The following CPNE3 variants were observed in gnomAD, a reference collection of about 807,000 sequenced individuals.
CPNE3 encodes the protein copine 3, also known as copine-3.
CPNE3 carries 68 observed loss-of-function variants against 63.9 expected under a neutral mutation model. The observed-to-expected ratio is 1.06, with a 90% CI of 0.87 to 1.30. The LOEUF is 1.30. Among genes scored for constraint, CPNE3 ranks in the 50% most tolerant of loss-of-function variants. CPNE3 has a pLI of 0.00. For missense variants in CPNE3, 665 were observed against 578.1 expected (o/e 1.15, Z -1.54); for synonymous variants, 219 against 197.5 (o/e 1.11, Z -0.91).
intron 6 of CPNE3, among the ~76,000 whole-genome samples, chr8:86,536,077 G>T (rs1820797765): frequency 6.6e-6 from 1 of 151,912 alleles, no homozygotes; most frequent in Non-Finnish European, 1.5e-5. Context: ...AGGTACTTAA[G>T]AAATTTAACA....
intron 6 of CPNE3, among the ~76,000 whole-genome samples, chr8:86,535,330 T>G (rs1258829772): frequency 1.3e-5 from 2 of 151,970 alleles, no homozygotes; most frequent in African/African-American, 4.8e-5. Flanking sequence ...CTTTTTTTTT[T>G]TTTTAAGAAA....
chr8:86,538,348 C>G (rs575176799), intron 7 of CPNE3, among the ~76,000 whole-genome samples: 162 of 152,086 alleles, frequency 1.1e-3, no homozygotes, highest in African/African-American at 3.7e-3. Flanking sequence ...GCACTCCATC[C>G]CAGGCTACTG....
At chr8:86,539,479 A>G (rs1400655468) in intron 7 of CPNE3, among the ~76,000 whole-genome samples, 1 of 152,078 alleles carries the variant, frequency 6.6e-6, no homozygotes. Flanking sequence ...ATTTGTGTTT[A>G]TCTGTTTATT....
intron 2 of CPNE3, among the ~76,000 whole-genome samples, chr8:86,516,513 T>C (rs144347137): frequency 1.1e-3 from 162 of 152,322 alleles, no homozygotes; most frequent in African/African-American, 3.7e-3. Flanking sequence ...CGGTACCTAG[T>C]TCATATTGTA....
intron 9 of CPNE3, chr8:86,545,075 G>A (rs746465310): frequency 1.5e-5 from 4 of 270,030 alleles, no homozygotes; most frequent in African/African-American, 2.2e-5. Context: ...ACTACATGGA[G>A]GACAGCAAAG....
At chr8:86,531,360 C>A in intron 5 of CPNE3, 131 bp downstream of exon 5, 1 of 662,634 alleles carries the variant, frequency 1.5e-6, no homozygotes. Context: ...TTCCATCCAC[C>A]CATGTCTTGT....
chr8:86,541,867 A>T (rs1820949668), intron 8 of CPNE3, among the ~76,000 whole-genome samples: 1 of 152,172 alleles, frequency 6.6e-6, no homozygotes, highest in Admixed American at 6.5e-5. Context: ...AGCTATAAAA[A>T]TTATTTTTTA....
At chr8:86,530,002 A>G (rs1434851946) in intron 4 of CPNE3, among the ~76,000 whole-genome samples, 17 of 152,094 alleles carry the variant, frequency 1.1e-4, no homozygotes, top group Admixed American at 1.1e-3. Context: ...TTTTGGGGAA[A>G]AAAATCCCAG....
At chr8:86,542,721 C>T (rs894452686) in intron 8 of CPNE3, among the ~76,000 whole-genome samples, 8 of 151,902 alleles carry the variant, frequency 5.3e-5, no homozygotes, top group East Asian at 1.9e-4. Flanking sequence ...TTAAATGACA[C>T]GAATTGTCTT....
intron 2 of CPNE3, among the ~76,000 whole-genome samples, chr8:86,521,415 G>C (rs1178889854): frequency 6.6e-6 from 1 of 152,228 alleles, no homozygotes; most frequent in Non-Finnish European, 1.5e-5. Flanking sequence ...TAATTTTAAA[G>C]TTCCTATTTT....
At chr8:86,529,884 G>T (rs1386775288) in intron 4 of CPNE3, among the ~76,000 whole-genome samples, 1 of 151,954 alleles carries the variant, frequency 6.6e-6, no homozygotes, top group African/African-American at 2.4e-5. Context: ...AGGTTGAATT[G>T]TTTGGAGATT....
At position 86,556,169 on chromosome 8, in the gene CPNE3, T is replaced by C; in HGVS notation, c.1322T>C (p.Ile441Thr). The C allele has an allele frequency of 1.1e-6, 1 of 873,036 alleles. No homozygotes were observed. The highest frequency in any genetic ancestry group is 2.0e-6 in the Non-Finnish European group (1 of 501,682). 54.1% of individuals were successfully genotyped at this position (873,036 alleles called of 1,614,324 possible). Residue 441 changes from isoleucine (I) to threonine (T), a missense_variant, in exon 16 of 17, where the codon ATA (isoleucine) becomes ACA (threonine). By Grantham distance (89) the Ile-to-Thr change is moderately conservative. Coordinates refer to ENST00000517490, the MANE Select transcript of CPNE3 (RefSeq NM_003909.5). ...GACCTTGATGAAACCAGACAAGCTA[T>C]AGTTAATGCCTCCAGGCTGCCTATG... ...ITDLDETRQA[I>T]VNASRLPMSI... is the part of the protein sequence containing the mutation.
intron 7 of CPNE3, among the ~76,000 whole-genome samples, chr8:86,537,954 C>A (rs1820838058): frequency 6.9e-6 from 1 of 145,542 alleles, no homozygotes; most frequent in Non-Finnish European, 1.5e-5. Context: ...TTCTCTATCT[C>A]TGTCCCTCTC....
chr8:86,527,418 C>T (rs1198107101), intron 2 of CPNE3, among the ~76,000 whole-genome samples: 1 of 152,170 alleles, frequency 6.6e-6, no homozygotes, highest in Non-Finnish European at 1.5e-5. Context: ...TGCTCCATCC[C>T]ATCCCCAGTC....
Position 86,559,511 on chromosome 8 carries a change from A to C in CPNE3, c.*1101A>C, listed in dbSNP as rs1346602164. 1 of 152,204 alleles carries C rather than the reference A, an allele frequency of 6.6e-6. No homozygotes were observed. Among genetic ancestry groups the C allele is most frequent in the Non-Finnish European group, 1.5e-5 (1 of 68,038 alleles). The allele number at this position is 152,204 out of a possible 1,614,324, so 9.4% of individuals were successfully genotyped here. A position where few individuals can be genotyped will look rare whatever the true frequency, so the allele number is the denominator to read the frequency against. ...AATCAAAATTGCATTTTACAATTTA[A>C]TAATGTGATATTTCCTATGTCTACA... On this transcript the variant is annotated 3_prime_UTR_variant, in exon 17 of 17. Coordinates refer to ENST00000517490, the MANE Select transcript of CPNE3 (RefSeq NM_003909.5).
At chr8:86,522,108 A>C (rs777700344) in intron 2 of CPNE3, among the ~76,000 whole-genome samples, 3 of 152,176 alleles carry the variant, frequency 2.0e-5, no homozygotes, top group Non-Finnish European at 4.4e-5. Context: ...GTCAGTAGCA[A>C]TAATACTGCA....
intron 2 of CPNE3, among the ~76,000 whole-genome samples, chr8:86,520,533 G>C (rs1463229669): frequency 6.7e-6 from 1 of 148,432 alleles, no homozygotes; most frequent in Non-Finnish European, 1.5e-5. Context: ...CAGCATGGGC[G>C]ACAAGAGTGA....
rs969022274 is a variant in CPNE3, at chr8:86,561,272, T to C, written c.*2862T>C. ...ATGACACATAAAGTACGCCAGAAGT[T>C]TGATGGAACGTGTTAGAAACTGTTT... On this transcript the variant is annotated 3_prime_UTR_variant, in exon 17 of 17. Transcript: ENST00000517490. The C allele has an allele frequency of 1.3e-5, 2 of 152,230 alleles. No homozygotes were observed. The highest frequency in any genetic ancestry group is 4.8e-5 in the African/African-American group (2 of 41,464). The allele number at this position is 152,230 out of a possible 1,614,324, so 9.4% of individuals were successfully genotyped here. A position where few individuals can be genotyped will look rare whatever the true frequency, so the allele number is the denominator to read the frequency against.
intron 2 of CPNE3, among the ~76,000 whole-genome samples, chr8:86,523,564 G>A (rs561266252): frequency 6.6e-6 from 1 of 152,282 alleles, no homozygotes; most frequent in South Asian, 2.1e-4. Flanking sequence ...ACAGCTGTAT[G>A]AATGAAGTAT....
Sources: allele counts gnomAD v4.1 joint callset (sites outside exome capture counted in the v4.1 genomes callset), GRCh38; gene constraint gnomAD v4.1.1; transcripts MANE v1.5; gene names NCBI Gene and HGNC (gene_info 2026-07-23, HGNC 2026-07-21).